The following CTPS2 variants were observed in gnomAD, a reference collection of about 807,000 sequenced individuals.
CTPS2 encodes the protein CTP synthase II.
CTPS2 carries 19 observed loss-of-function variants against 46.8 expected under a neutral mutation model. That is an observed-to-expected ratio of 0.41 (90% CI 0.28 to 0.60). The LOEUF (loss-of-function observed/expected upper bound fraction) is 0.60, where lower values mean the gene tolerates loss of function less well. Among genes scored for constraint, CTPS2 ranks in the 20% least tolerant of loss-of-function variants. The pLI, the probability that CTPS2 is intolerant of heterozygous loss-of-function variation, is 0.35. For synonymous variants in CTPS2, 151 were observed against 165.2 expected, an observed-to-expected ratio of 0.91 and a Z score of 0.66; for missense variants, 286 against 447.6, an observed-to-expected ratio of 0.64 and a Z score of 3.26.
intron 4 of CTPS2, among the ~76,000 whole-genome samples, chrX:16,696,025 T>C (rs2147367678): frequency 8.9e-6 from 1 of 112,011 alleles, no homozygotes; most frequent in South Asian, 3.7e-4. Context: ...TGAGTCTTCT[T>C]TTTTGGAAAA....
chrX:16,630,366 T>C (rs1330171108), intron 14 of CTPS2, among the ~76,000 whole-genome samples: 1 of 107,734 alleles, frequency 9.3e-6, no homozygotes, highest in Non-Finnish European at 1.9e-5. Context: ...GCAATTCTCT[T>C]GCCTCAGCCA....
intron 14 of CTPS2, among the ~76,000 whole-genome samples, chrX:16,630,227 A>T (rs1195040121): frequency 9.4e-6 from 1 of 106,123 alleles, no homozygotes; most frequent in African/African-American, 3.5e-5. Flanking sequence ...TGGGCTCCTA[A>T]TTCCTTCAAG....
At chrX:16,641,473 T>A (rs1053967492) in intron 13 of CTPS2, among the ~76,000 whole-genome samples, 2 of 112,644 alleles carry the variant, frequency 1.8e-5, no homozygotes, top group Non-Finnish European at 3.7e-5. Context: ...GGAGGCCAGG[T>A]GCAGTGGCTC....
At chrX:16,608,482 T>G (rs1930101449) in intron 17 of CTPS2, among the ~76,000 whole-genome samples, 1 of 110,704 alleles carries the variant, frequency 9.0e-6, no homozygotes. Context: ...TAGTCCCAGC[T>G]AATTGGGAGA....
intron 15 of CTPS2, among the ~76,000 whole-genome samples, chrX:16,618,105 C>T (rs931737453): frequency 1.8e-5 from 2 of 111,658 alleles, no homozygotes; most frequent in Non-Finnish European, 3.8e-5. Flanking sequence ...CCCCATCACC[C>T]TGACCCGATC....
intron 17 of CTPS2, among the ~76,000 whole-genome samples, chrX:16,592,308 C>A (rs1261900392): frequency 8.9e-6 from 1 of 112,088 alleles, no homozygotes; most frequent in Non-Finnish European, 1.9e-5. Context: ...GTTATCAGGG[C>A]CTTGGCCATG....
chrX:16,662,745 T>C (rs1199118026), intron 13 of CTPS2, among the ~76,000 whole-genome samples: 1 of 107,542 alleles, frequency 9.3e-6, no homozygotes, highest in African/African-American at 3.4e-5. Context: ...ATACAAGTGC[T>C]AGCTCTTAAG....
Position 16,689,457 on chromosome X carries a change from C to A in CTPS2, c.865G>T (p.Ala289Ser). The change falls in exon 8 of 19, where the codon GCT (alanine) becomes TCT (serine). Residue 289 changes from alanine (A) to serine (S), a missense_variant. Ala to Ser is a moderately conservative substitution (Grantham distance 99). Coordinates refer to ENST00000359276, the MANE Select transcript of CTPS2 (RefSeq NM_175859.3). Reference protein sequence around the residue: ...SNLLFKWRNMADRYERLQKIC... With the variant: ...SNLLFKWRNMSDRYERLQKIC... ...GTAATTCCTTTCGCTTACCTGTCAG[C>A]CATATTTCTCCACTTAAAAAGCAAA... 7 of 1,208,919 alleles carry A rather than the reference C, an allele frequency of 5.8e-6. No individual in the cohort carries two copies. Among genetic ancestry groups the A allele is most frequent in the Non-Finnish European group, 7.8e-6 (7 of 894,187 alleles).
At chrX:16,707,829 C>T (rs752958306) in intron 1 of CTPS2, among the ~76,000 whole-genome samples, 2 of 110,864 alleles carry the variant, frequency 1.8e-5, no homozygotes, top group South Asian at 3.8e-4. Context: ...AAAAAGTAGC[C>T]GGGCGTGGTG....
In CTPS2 at chrX:16,693,474, A is replaced by T; in HGVS notation, c.452T>A (p.Ile151Asn). The T allele has an allele frequency of 8.4e-7, 1 of 1,193,368 alleles. No homozygotes were observed. The highest frequency in any genetic ancestry group is 1.1e-6 in the Non-Finnish European group (1 of 880,493). ...AAACGGCATTCCTTCGATGTCTCCAATGGTGCCTCCCAGCTGGGAATGGAA... is the reference window on the plus strand; with the variant it reads ...AAACGGCATTCCTTCGATGTCTCCATTGGTGCCTCCCAGCTGGGAATGGAA... ...QICVIELGGT[I>N]GDIEGMPFVE... Residue 151 changes from isoleucine to asparagine, a missense_variant, in exon 5 of 19, where the codon ATT becomes AAT. Coordinates refer to ENST00000359276, the MANE Select transcript of CTPS2 (RefSeq NM_175859.3).
intron 17 of CTPS2, among the ~76,000 whole-genome samples, chrX:16,595,689 G>A (rs1428539554): frequency 3.6e-5 from 4 of 112,154 alleles, no homozygotes; most frequent in Non-Finnish European, 7.5e-5. Flanking sequence ...ATTTGCACCT[G>A]TCACACTTCA....
In CTPS2 at chrX:16,620,463, C is replaced by T. The variant is rs777811739; in HGVS notation, c.1394-131G>A. On this transcript the variant is annotated intron_variant, in intron 14 of 18. Coordinates refer to ENST00000359276, the MANE Select transcript of CTPS2 (RefSeq NM_175859.3). ...GGACTAAAAATGAACTAATAGACTC[C>T]ATATAGTCATCTAGATTTTCTTCTT... 3 of 419,950 alleles carry T rather than the reference C, an allele frequency of 7.1e-6. No homozygotes were observed. In the South Asian group the frequency reaches 1.8e-4, roughly 25 times the overall value. The allele number at this position is 419,950 out of a possible 1,213,427, so 34.6% of individuals were successfully genotyped here. A position where few individuals can be genotyped will look rare whatever the true frequency, so the allele number is the denominator to read the frequency against.
chrX:16,678,532 C>T (rs1357854415), intron 9 of CTPS2, 82 bp from the exon 10 acceptor site: 10 of 563,592 alleles, frequency 1.8e-5, no homozygotes, highest in Non-Finnish European at 3.0e-6. Flanking sequence ...TACTATGACA[C>T]ATTATTCAAT....
At chrX:16,676,862 C>G (rs1400104865) in intron 10 of CTPS2, among the ~76,000 whole-genome samples, 1 of 110,745 alleles carries the variant, frequency 9.0e-6, no homozygotes, top group Non-Finnish European at 1.9e-5. Context: ...GAGTTCAAGA[C>G]CAGCCTGGCC....
At chrX:16,656,520 C>T (rs1932824023) in intron 13 of CTPS2, among the ~76,000 whole-genome samples, 1 of 110,931 alleles carries the variant, frequency 9.0e-6, no homozygotes, top group Admixed American at 9.6e-5. Flanking sequence ...CGGCATTCTC[C>T]TGCCTCAGCC....
chrX:16,662,883 C>G (rs1225130220), intron 13 of CTPS2, among the ~76,000 whole-genome samples: 1 of 111,198 alleles, frequency 9.0e-6, no homozygotes, highest in Non-Finnish European at 1.9e-5. Flanking sequence ...TCTGACTTAG[C>G]AACTCCCCTT....
chrX:16,669,159 C>T (rs1425275929), intron 11 of CTPS2, among the ~76,000 whole-genome samples: 3 of 109,847 alleles, frequency 2.7e-5, no homozygotes, highest in Admixed American at 9.7e-5. Flanking sequence ...GAAGGAGACA[C>T]GATGGGCCTG....
rs776984158 is a variant in CTPS2 at position 16,638,911 on chromosome X, C to T, written c.1393+236G>A. ...AACAGGGAGTCACGCAGATCAAATG[C>T]GGAGGGGCATTCAGTGTGTTCTACT... On this transcript the variant is annotated intron_variant, in intron 14 of 18. Coordinates refer to ENST00000359276, the MANE Select transcript of CTPS2 (RefSeq NM_175859.3). The T allele has an allele frequency of 1.2e-4, 62 of 513,932 alleles. No individual in the cohort carries two copies. The East Asian group carries it at 1.9e-3, about 16-fold the overall frequency. 42.4% of individuals were successfully genotyped at this position (513,932 alleles called of 1,213,427 possible). A position where few individuals can be genotyped will look rare whatever the true frequency, so the allele number is the denominator to read the frequency against.
intron 13 of CTPS2, among the ~76,000 whole-genome samples, chrX:16,655,905 C>A (rs1445950236): frequency 9.0e-6 from 1 of 110,975 alleles, no homozygotes; most frequent in Non-Finnish European, 1.9e-5. Context: ...AAGCAACTCT[C>A]CTGCCTCAGC....
Sources: allele counts gnomAD v4.1 joint callset (sites outside exome capture counted in the v4.1 genomes callset), GRCh38; gene constraint gnomAD v4.1.1; transcripts MANE v1.5; gene names NCBI Gene and HGNC (gene_info 2026-07-23, HGNC 2026-07-21).